Variants in MRC1 observed in about 807,000 individuals in gnomAD.
The protein encoded by MRC1 is mannose receptor C-type 1, also known as macrophage mannose receptor 1.
Under a neutral mutation model 102.9 loss-of-function variants are expected in MRC1, and 62 were observed. The observed-to-expected ratio is 0.60, with a 90% CI of 0.49 to 0.74. The LOEUF (loss-of-function observed/expected upper bound fraction) is 0.74, where lower values mean the gene tolerates loss of function less well. Ranked by LOEUF, MRC1 falls within the 30% of genes least tolerant of loss-of-function variation. The pLI is 0.00. For synonymous variants in MRC1, 457 were observed against 298.4 expected (o/e 1.53, Z -5.48); for missense variants, 1,237 against 862.8 (o/e 1.43, Z -5.43).
chr10:17,865,387 A>G (rs1329622483), intron 11 of MRC1: 2 of 152,254 alleles, frequency 1.3e-5, no homozygotes, highest in Non-Finnish European at 2.9e-5. Flanking sequence ...TTAAAAACAC[A>G]TCTTGGCAGT....
chr10:17,881,873 A>G (rs1465286054), intron 21 of MRC1, among the ~76,000 whole-genome samples: 1 of 114,620 alleles, frequency 8.7e-6, no homozygotes, highest in Admixed American at 1.2e-4. Context: ...TGGTAGAGAT[A>G]GAGTCTCACT....
At position 17,861,520 on chromosome 10, in the gene MRC1, T is replaced by C; in HGVS notation, c.1634+18T>C. Reference sequence around the variant, plus strand: ...GAAGACAGGTATGTAACTATTTTAATTTCATTTTAAAATATGTCAAATAGA... The same window carrying C: ...GAAGACAGGTATGTAACTATTTTAACTTCATTTTAAAATATGTCAAATAGA... On this transcript the variant is annotated intron_variant, in intron 10 of 29. Transcript: ENST00000569591. 1.2e-6 allele frequency: 1 copy of C among 854,688 alleles called. No homozygotes were observed. The highest frequency in any genetic ancestry group is 2.0e-6 in the Non-Finnish European group (1 of 489,196). 52.9% of individuals were successfully genotyped at this position (854,688 alleles called of 1,614,324 possible). A position where few individuals can be genotyped will look rare whatever the true frequency, so the allele number is the denominator to read the frequency against.
chr10:17,860,657 T>C (rs1833171081), intron 9 of MRC1, among the ~76,000 whole-genome samples: 1 of 152,202 alleles, frequency 6.6e-6, no homozygotes, highest in South Asian at 2.1e-4. Context: ...TGCTCTCCTA[T>C]GACCAAATGA....
rs1245249090 is a variant in MRC1, at chr10:17,901,823, C to T, written c.3650-150C>T. On this transcript the variant is annotated intron_variant, in intron 25 of 29. Transcript: ENST00000569591. ...TGGAAAACATTGATAAAAGGAAACC[C>T]AATAATAAATATGGTGATCCAAATG... 1.4e-5 allele frequency: 10 copies of T among 718,872 alleles called. No individual in the cohort carries two copies. In the African/African-American group the frequency reaches 1.6e-4, roughly 11 times the overall value. 44.5% of individuals were successfully genotyped at this position (718,872 alleles called of 1,614,324 possible).
chr10:17,867,328 T>G (rs1833287029), intron 12 of MRC1, among the ~76,000 whole-genome samples: 1 of 147,568 alleles, frequency 6.8e-6, no homozygotes, highest in Non-Finnish European at 1.5e-5. Flanking sequence ...TCCTTCTTCT[T>G]CTTCTTCCTC....
At chr10:17,838,613 C>T (rs1838705345) in intron 4 of MRC1, among the ~76,000 whole-genome samples, 3 of 151,788 alleles carry the variant, frequency 2.0e-5, no homozygotes, top group Admixed American at 2.0e-4. Context: ...TGTGTATCTT[C>T]TATTACATCT....
chr10:17,884,761 G>T (rs1833566903), intron 21 of MRC1, among the ~76,000 whole-genome samples: 2 of 152,166 alleles, frequency 1.3e-5, no homozygotes, highest in African/African-American at 4.8e-5. Flanking sequence ...TTCCAGGTGA[G>T]ATTTGGGTGG....
intron 21 of MRC1, among the ~76,000 whole-genome samples, chr10:17,883,157 T>C (rs1833542053): frequency 2.0e-5 from 3 of 152,236 alleles, no homozygotes; most frequent in Non-Finnish European, 4.4e-5. Context: ...AGATAGGGTC[T>C]CGCTTGATCA....
Position 17,875,791 on chromosome 10 carries a change from T to C in MRC1, c.2550+538T>C, listed in dbSNP as rs1589188595. The stretch of plus-strand genomic sequence containing the variant: ...TCTGGGTAGATACCCAGTAGTGGGA[T>C]TGCTGGATCAAATTGTGTTTCTACT... On this transcript the variant is annotated intron_variant, in intron 17 of 29. Coordinates refer to ENST00000569591, the MANE Select transcript of MRC1 (RefSeq NM_002438.4). Among the ~76,000 whole-genome samples, 3 of 152,324 alleles carry C rather than the reference T, an allele frequency of 2.0e-5. No individual in the cohort carries two copies. In the South Asian group the frequency reaches 6.2e-4, roughly 32 times the overall value.
chr10:17,849,582 G>A lies in MRC1; in HGVS notation c.1067G>A (p.Ser356Asn), dbSNP rs969217534. The change falls in exon 7 of 30, where the codon AGT becomes AAT. Residue 356 changes from serine (S) to asparagine (N), a missense_variant. By Grantham distance (46) the Ser-to-Asn change is conservative. Coordinates refer to ENST00000569591, the MANE Select transcript of MRC1 (RefSeq NM_002438.4). ...CGACCCCCCTTTTTGTTTCTAGAAA[G>A]TGATGTGCCTACTCACTGTCCTAGT... is the stretch of plus-strand genomic sequence containing the variant. ...TLNSFVIPSE[S>N]DVPTHCPSQW... 849 of 779,258 alleles carry A rather than the reference G, an allele frequency of 1.1e-3. 5 individuals are homozygous for A. The East Asian group carries it at 0.012, about 11-fold the overall frequency. The allele number at this position is 779,258 out of a possible 1,614,324, so 48.3% of individuals were successfully genotyped here.
chr10:17,846,482 A>G (rs1343830970), intron 6 of MRC1, among the ~76,000 whole-genome samples: 1 of 152,132 alleles, frequency 6.6e-6, no homozygotes, highest in African/African-American at 2.4e-5. Context: ...AATTTCATGT[A>G]TTTTAAAATA....
intron 28 of MRC1, among the ~76,000 whole-genome samples, chr10:17,908,837 G>A (rs1833931945): frequency 6.6e-6 from 1 of 152,338 alleles, no homozygotes; most frequent in African/African-American, 2.4e-5. Context: ...CCAAAGTGCT[G>A]GGATTACAGG....
intron 15 of MRC1, 71 bp downstream of exon 15, chr10:17,872,197 T>G (rs1833363478): frequency 1.3e-5 from 10 of 778,550 alleles, no homozygotes; most frequent in Admixed American, 3.4e-5. Flanking sequence ...AATCTTTCCT[T>G]TATTAGCAGA....
chr10:17,896,539 T>C, intron 23 of MRC1, among the ~76,000 whole-genome samples: 1 of 152,356 alleles, frequency 6.6e-6, no homozygotes, highest in East Asian at 1.9e-4. Context: ...CATGATAGAA[T>C]ATGTTGCCAC....
chr10:17,840,830 G>A (rs782813489), intron 5 of MRC1, 24 bp downstream of exon 5: 28 of 780,690 alleles, frequency 3.6e-5, no homozygotes, highest in South Asian at 1.3e-4. Context: ...TGTTTGTGTC[G>A]AATTAATCCA....
intron 8 of MRC1, among the ~76,000 whole-genome samples, chr10:17,853,720 G>T (rs1833028123): frequency 6.6e-6 from 1 of 151,958 alleles, no homozygotes; most frequent in African/African-American, 2.4e-5. Context: ...AGCTGTACTT[G>T]GGGAGCTACA....
In MRC1 at chr10:17,863,530, A is replaced by C; in HGVS notation, c.1635-4A>C. ...TAATTGAATGTTAATTCTTCTTTTT[A>C]AAGATATGAACAAGCCTTCCTGACT... On this transcript the variant is annotated splice_polypyrimidine_tract_variant and splice_region_variant and intron_variant, in intron 10 of 29. Transcript: ENST00000569591. The C allele has an allele frequency of 1.3e-6, 1 of 780,418 alleles. No individual in the cohort carries two copies. Among genetic ancestry groups the C allele is most frequent in the Non-Finnish European group, 2.4e-6 (1 of 417,890 alleles). 48.3% of individuals were successfully genotyped at this position (780,418 alleles called of 1,614,324 possible). A position where few individuals can be genotyped will look rare whatever the true frequency, so the allele number is the denominator to read the frequency against.
intron 1 of MRC1, among the ~76,000 whole-genome samples, chr10:17,822,206 T>A (rs1318389434): frequency 5.3e-5 from 8 of 152,360 alleles, no homozygotes; most frequent in African/African-American, 1.9e-4. Flanking sequence ...ATTTTTAAAG[T>A]TATTCTCATA....
At chr10:17,907,984 T>C (rs1332626836) in intron 28 of MRC1, among the ~76,000 whole-genome samples, 2 of 152,276 alleles carry the variant, frequency 1.3e-5, no homozygotes, top group South Asian at 2.1e-4. Flanking sequence ...GGAGAGCCCA[T>C]CTACAAAGCC....
Sources: gnomAD v4.1 joint callset for allele counts (sites outside exome capture counted in the v4.1 genomes callset) on GRCh38, gnomAD v4.1.1 for gene constraint, MANE v1.5 for transcripts, NCBI Gene and HGNC (gene_info 2026-07-23, HGNC 2026-07-21) for gene names.